Variants in PRCC observed in about 807,000 individuals in gnomAD.
PRCC encodes proline-rich protein PRCC.
In PRCC, 10 loss-of-function variants were observed where a neutral mutation model predicts 44.0. The observed-to-expected ratio is 0.23, with a 90% CI of 0.14 to 0.39. The LOEUF (loss-of-function observed/expected upper bound fraction) is 0.39. Ranked by LOEUF, PRCC falls within the 10% of genes least tolerant of loss-of-function variation. The pLI is 1.00. For missense variants in PRCC, 573 were observed against 624.7 expected, an observed-to-expected ratio of 0.92 and a Z score of 0.88; for synonymous variants, 278 against 259.5, an observed-to-expected ratio of 1.07 and a Z score of -0.69.
At chr1:156,794,894 C>A in intron 5 of PRCC, 86 bp downstream of exon 5, 1 of 1,531,488 alleles carries the variant, frequency 6.5e-7, no homozygotes, top group South Asian at 1.2e-5. Flanking sequence ...CCCCACACCC[C>A]ATTGTTATTG....
chr1:156,784,037 C>G (rs973588893), intron 2 of PRCC, among the ~76,000 whole-genome samples: 6 of 151,774 alleles, frequency 4.0e-5, no homozygotes, highest in Non-Finnish European at 8.8e-5. Context: ...AGCTCCGCCT[C>G]CTGGGTTCAC....
chr1:156,786,886 C>T lies in PRCC; in HGVS notation c.795C>T (p.Asp265=), dbSNP rs141335923. ...QVTKQITQEE[D]DSDEEVAPEN... is the part of the protein sequence containing the mutation. ...CAAAGCAGATCACGCAGGAAGAAGA[C>T]GACAGTGATGAGGAAGTAGCCCCCG... Residue 265 remains aspartate, a synonymous_variant, in exon 3 of 7, where the codon GAC becomes GAT. Coordinates refer to ENST00000271526, the MANE Select transcript of PRCC (RefSeq NM_005973.5). The T allele has an allele frequency of 7.1e-5, 114 of 1,614,054 alleles. No homozygotes were observed. Among genetic ancestry groups the T allele is most frequent in the Middle Eastern group, 3.3e-4 (2 of 6,084 alleles).
intron 5 of PRCC, chr1:156,796,554 C>T (rs1263082239): frequency 6.6e-6 from 1 of 152,160 alleles, no homozygotes; most frequent in African/African-American, 2.4e-5. Flanking sequence ...GAATGAAAGC[C>T]CAGACCAATA....
At chr1:156,791,613 AT>A in intron 3 of PRCC, 83 bp from the exon 4 acceptor site, 1 of 1,291,244 alleles carries the variant, frequency 7.7e-7, no homozygotes, top group South Asian at 1.4e-5. Context: ...TTTGATGACA[AT>A]TTTCTGTTTC....
In PRCC at chr1:156,794,648, A is replaced by AT. The variant is rs780430259; in HGVS notation, c.1180-10dup. On this transcript the variant is annotated splice_polypyrimidine_tract_variant and intron_variant, in intron 4 of 6. Coordinates refer to ENST00000271526, the MANE Select transcript of PRCC (RefSeq NM_005973.5). ...CCTTGCCCAGATTCCTGACTCCTGC[A>AT]TTTTTTTCTTTTCCAGTTTAAGCGG... 6 of 1,613,614 alleles carry AT rather than the reference A, an allele frequency of 3.7e-6. No individual in the cohort carries two copies. The South Asian group carries it at 4.4e-5, about 12-fold the overall frequency.
At chr1:156,799,281 T>C (rs1039652156) in intron 6 of PRCC, among the ~76,000 whole-genome samples, 1 of 152,218 alleles carries the variant, frequency 6.6e-6, no homozygotes, top group African/African-American at 2.4e-5. Context: ...GTTTTTTTAG[T>C]ATTTCTAAGT....
chr1:156,795,328 C>T (rs1652630141), intron 5 of PRCC, among the ~76,000 whole-genome samples: 1 of 98,750 alleles, frequency 1.0e-5, no homozygotes, highest in South Asian at 3.8e-4. Context: ...CACTCTGTTG[C>T]CCAGGCTGGC....
chr1:156,779,768 G>A, intron 1 of PRCC, among the ~76,000 whole-genome samples: 1 of 140,684 alleles, frequency 7.1e-6, no homozygotes, highest in Non-Finnish European at 1.5e-5. Flanking sequence ...TATTAGAGGT[G>A]GGGGGGTCTC....
chr1:156,792,053 CTTTTTTTTTTTT>C lies in PRCC; in HGVS notation c.1179+278_1179+289del, dbSNP rs67388360. Among the ~76,000 whole-genome samples the C allele has an allele frequency of 4.3e-4, 25 of 58,452 alleles. 2 individuals carry two copies. The highest frequency in any genetic ancestry group is 3.1e-3 in the South Asian group (3 of 960). 38.3% of individuals were successfully genotyped at this position (58,452 alleles called of 152,430 possible). A position where few individuals can be genotyped will look rare whatever the true frequency, so the allele number is the denominator to read the frequency against. ...ACAGAGTCAGGGATCTAGTCCCCTT[CTTTTTTTTTTTT>C]TTTTTTTTTTTTTTTTGGTAGAGAC... On this transcript the variant is annotated intron_variant, in intron 4 of 6. Transcript: ENST00000271526.
intron 3 of PRCC, 169 bp from the exon 4 acceptor site, chr1:156,791,528 G>A (rs2102769812): frequency 1.6e-6 from 1 of 609,158 alleles, no homozygotes. Flanking sequence ...TTGAGTTGTA[G>A]GTCGGTCCTT....
At position 156,767,823 on chromosome 1, in the gene PRCC, G is replaced by A. The variant is rs1203717995; in HGVS notation, c.52G>A (p.Glu18Lys). Residue 18 changes from glutamate (E) to lysine (K), a missense_variant, in exon 1 of 7, where the codon GAG becomes AAG. Glu to Lys is a moderately conservative substitution (Grantham distance 56). Transcript: ENST00000271526. Reference protein sequence around the residue: ...SSDESEPDEAEPEPEEEEAVA... With the variant: ...SSDESEPDEAKPEPEEEEAVA... ...CGATGAGAGCGAGCCGGATGAGGCT[G>A]AGCCCGAGCCGGAGGAAGAGGAGGC... 2 of 1,610,392 alleles carry A rather than the reference G, an allele frequency of 1.2e-6. No individual in the cohort carries two copies. Among genetic ancestry groups the A allele is most frequent in the Middle Eastern group, 1.8e-4 (1 of 5,406 alleles).
chr1:156,800,813 A>G lies in PRCC; in HGVS notation c.*353A>G. The G allele has an allele frequency of 3.8e-6, 1 of 264,514 alleles. No homozygotes were observed. 16.4% of individuals were successfully genotyped at this position (264,514 alleles called of 1,614,324 possible). On this transcript the variant is annotated 3_prime_UTR_variant, in exon 7 of 7. Coordinates refer to ENST00000271526, the MANE Select transcript of PRCC (RefSeq NM_005973.5). ...GTTGAAATAAAACATTCAGTCTGAC[A>G]AACATTGCCTGCCCTGTCCCTGGAT...
At chr1:156,792,876 CA>C (rs1241501495) in intron 4 of PRCC, among the ~76,000 whole-genome samples, 2 of 152,164 alleles carry the variant, frequency 1.3e-5, no homozygotes, top group African/African-American at 4.8e-5. Context: ...TTTAGGGAGG[CA>C]CCAAGCAGCT....
rs67388360 is a variant in PRCC at position 156,792,053 on chromosome 1, C to CTTTTTTTTTTTTTTTTTTTTTTTTTT, written c.1179+264_1179+289dup. ...ACAGAGTCAGGGATCTAGTCCCCTT[C>CTTTTTTTTTTTTTTTTTTTTTTTTTT]TTTTTTTTTTTTTTTTTTTTTTTTT... On this transcript the variant is annotated intron_variant, in intron 4 of 6. Coordinates refer to ENST00000271526, the MANE Select transcript of PRCC (RefSeq NM_005973.5). Among the ~76,000 whole-genome samples, 25 of 58,450 alleles carry CTTTTTTTTTTTTTTTTTTTTTTTTTT rather than the reference C, an allele frequency of 4.3e-4. 4 individuals carry two copies. The highest frequency in any genetic ancestry group is 6.8e-4 in the Non-Finnish European group (21 of 30,748). The allele number at this position is 58,450 out of a possible 152,430, so 38.3% of individuals were successfully genotyped here.
chr1:156,797,221 G>A, intron 5 of PRCC, 55 bp from the exon 6 acceptor site: 2 of 1,610,002 alleles, frequency 1.2e-6, no homozygotes, highest in Middle Eastern at 1.7e-4. Context: ...CTGGGCACAT[G>A]AGAAACTTCT....
At chr1:156,771,809 A>C (rs1651647231) in intron 1 of PRCC, among the ~76,000 whole-genome samples, 1 of 151,896 alleles carries the variant, frequency 6.6e-6, no homozygotes, top group Admixed American at 6.6e-5. Flanking sequence ...GGGATTACAG[A>C]TGTGAGCCAC....
rs1033779350 is a variant in PRCC at position 156,768,189 on chromosome 1, A to G, written c.418A>G (p.Lys140Glu). The change falls in exon 1 of 7, where the codon AAG becomes GAG. Residue 140 changes from lysine to glutamate, a missense_variant. Lys to Glu is a moderately conservative substitution (Grantham distance 56). Around this residue, in one of 4 missense-constraint regions of PRCC, gnomAD observed 245 missense variants for 188.5 expected, o/e 1.30. Transcript: ENST00000271526. ...GPPLGLPKPK[K>E]RKEPVKIAAP... The stretch of plus-strand genomic sequence containing the variant: ...CCCGCTGGGGCTTCCCAAGCCAAAG[A>G]AGAGGAAAGAGCCCGTGAAGATCGC... 16 of 1,549,670 alleles carry G rather than the reference A, an allele frequency of 1.0e-5. No individual in the cohort carries two copies. The highest frequency in any genetic ancestry group is 1.4e-5 in the Non-Finnish European group (16 of 1,147,888).
chr1:156,782,251 T>G, intron 1 of PRCC, 31 bp from the exon 2 acceptor site: 2 of 1,565,186 alleles, frequency 1.3e-6, no homozygotes, highest in South Asian at 2.2e-5. Context: ...CCTAAAACAG[T>G]GAGGCCTTAC....
rs988734480 is a variant in PRCC, at chr1:156,767,690, G to C, written c.-82G>C. 23 of 1,395,598 alleles carry C rather than the reference G, an allele frequency of 1.6e-5. No individual in the cohort carries two copies. The East Asian group carries it at 5.3e-4, about 32-fold the overall frequency. 86.5% of individuals were successfully genotyped at this position (1,395,598 alleles called of 1,614,324 possible). On this transcript the variant is annotated 5_prime_UTR_variant, in exon 1 of 7. Coordinates refer to ENST00000271526, the MANE Select transcript of PRCC (RefSeq NM_005973.5). ...TCGGTTCCCCGCCCCGCCAGGTGGC[G>C]GGGCCTACTAGGCCTCCGGGCATCC...
Sources: gnomAD v4.1 joint callset for allele counts (sites outside exome capture counted in the v4.1 genomes callset) on GRCh38, gnomAD v4.1.1 for gene constraint, gnomAD v4.1.1 regional missense constraint, MANE v1.5 for transcripts, NCBI Gene and HGNC (gene_info 2026-07-23, HGNC 2026-07-21) for gene names.